SERPINA9: variants seen among roughly 807,000 people sequenced by gnomAD.
SERPINA9 encodes serpin A9.
In SERPINA9, 32 loss-of-function variants were observed where a neutral mutation model predicts 24.5. That is an observed-to-expected ratio of 1.30 (90% CI 0.98 to 1.75). The LOEUF is 1.75. Among genes scored for constraint, SERPINA9 ranks in the 40% most tolerant of loss-of-function variants. The probability of loss-of-function intolerance (pLI) is 0.00; values close to 1 mark genes in which losing one functional copy is unlikely to be tolerated. For missense variants in SERPINA9, 594 were observed against 497.1 expected (o/e 1.19, Z -1.85); for synonymous variants, 233 against 197.7 (o/e 1.18, Z -1.50).
rs1490145265 is a variant in SERPINA9, at chr14:94,462,836, A to G, written c.*257T>C. On this transcript the variant is annotated 3_prime_UTR_variant, in exon 5 of 5. Coordinates refer to ENST00000674397, the MANE Select transcript of SERPINA9 (RefSeq NM_175739.4). ...CCTGGGAGCCCCAAGGAATGGAAAT[A>G]TGGTAACCCAGCAACATCCCATGAA... The G allele has an allele frequency of 1.5e-5, 7 of 469,674 alleles. No individual in the cohort carries two copies. The allele number at this position is 469,674 out of a possible 1,614,324, so 29.1% of individuals were successfully genotyped here. A position where few individuals can be genotyped will look rare whatever the true frequency, so the allele number is the denominator to read the frequency against.
Position 94,464,690 on chromosome 14 carries a change from A to T in SERPINA9, c.1050+17T>A. The T allele has an allele frequency of 6.2e-7, 1 of 1,602,298 alleles. No homozygotes were observed. The highest frequency in any genetic ancestry group is 1.3e-5 in the African/African-American group (1 of 74,504). ...TTCCAGCTTGGACTTTTTTGCAAAT[A>T]TTTTCATTCAACTCACTTTAGAAAC... is the stretch of plus-strand genomic sequence containing the variant. On this transcript the variant is annotated intron_variant, in intron 4 of 4. Coordinates refer to ENST00000674397, the MANE Select transcript of SERPINA9 (RefSeq NM_175739.4).
At position 94,469,294 on chromosome 14, in the gene SERPINA9, T is replaced by G; in HGVS notation, c.547A>C (p.Thr183Pro). 1 of 1,614,108 alleles carries G rather than the reference T, an allele frequency of 6.2e-7. No individual in the cohort carries two copies. The highest frequency in any genetic ancestry group is 8.5e-7 in the Non-Finnish European group (1 of 1,180,010). Reference sequence around the variant, plus strand: ...ATTATGTCTACAACCTTCCCTTGGGTCTTCTTTTTCACATGGCTGTTGATC... The same window carrying G: ...ATTATGTCTACAACCTTCCCTTGGGGCTTCTTTTTCACATGGCTGTTGATC... The part of the protein sequence containing the change: ...ARINSHVKKK[T>P]QGKVVDIIQG... The change falls in exon 2 of 5, where the codon ACC becomes CCC. Residue 183 changes from threonine to proline, a missense_variant. Physicochemically the swap from Thr to Pro is conservative, Grantham distance 38. Coordinates refer to ENST00000674397, the MANE Select transcript of SERPINA9 (RefSeq NM_175739.4).
chr14:94,468,238 A>T (rs1899113480), intron 2 of SERPINA9, among the ~76,000 whole-genome samples: 1 of 152,136 alleles, frequency 6.6e-6, no homozygotes, highest in Non-Finnish European at 1.5e-5. Context: ...GGACAAATGG[A>T]TGGATAGCTT....
At chr14:94,464,583 C>T in intron 4 of SERPINA9, 124 bp downstream of exon 4, 2 of 781,218 alleles carry the variant, frequency 2.6e-6, no homozygotes, top group Non-Finnish European at 4.1e-6. Flanking sequence ...GTTCTTCTGG[C>T]CGCAGAAGAC....
At chr14:94,472,348 G>A (rs1899360622) in intron 1 of SERPINA9, among the ~76,000 whole-genome samples, 1 of 151,882 alleles carries the variant, frequency 6.6e-6, no homozygotes, top group South Asian at 2.1e-4. Context: ...TTCTCACTCT[G>A]GAAGACTCTA....
In SERPINA9 at chr14:94,470,182, T is replaced by C. The variant is rs113328918; in HGVS notation, c.-17-325A>G. 34 of 1,065,054 alleles carry C rather than the reference T, an allele frequency of 3.2e-5. 1 individual carries two copies. The highest frequency in any genetic ancestry group is 2.2e-4 in the African/African-American group (13 of 60,368). The allele number at this position is 1,065,054 out of a possible 1,614,324, so 66.0% of individuals were successfully genotyped here. A position where few individuals can be genotyped will look rare whatever the true frequency, so the allele number is the denominator to read the frequency against. On this transcript the variant is annotated intron_variant, in intron 1 of 4. Transcript: ENST00000674397. ...CATGCTTTTTGATGTTTCTGCTTCA[T>C]GGACTTATTTTTTAAGAATTGAGTA... is the stretch of plus-strand genomic sequence containing the variant.
chr14:94,463,478 T>C (rs544919902), intron 4 of SERPINA9, among the ~76,000 whole-genome samples, 182 bp from the exon 5 acceptor site: 1 of 152,328 alleles, frequency 6.6e-6, no homozygotes, highest in African/African-American at 2.4e-5. Flanking sequence ...GGCCCATTGG[T>C]CCTTACACCG....
intron 1 of SERPINA9, among the ~76,000 whole-genome samples, chr14:94,475,420 GCA>G (rs796392665): frequency 6.0e-4 from 67 of 111,588 alleles, no homozygotes; most frequent in African/African-American, 1.6e-3. Flanking sequence ...GCCTACATGT[GCA>G]CACACACACA....
chr14:94,463,414 G>T, intron 4 of SERPINA9, 118 bp from the exon 5 acceptor site: 2 of 849,576 alleles, frequency 2.4e-6, no homozygotes, highest in Non-Finnish European at 3.8e-6. Context: ...AGGATTCAAG[G>T]TTCAAATGCC....
At chr14:94,468,364 A>G (rs969214141) in intron 2 of SERPINA9, among the ~76,000 whole-genome samples, 1 of 152,020 alleles carries the variant, frequency 6.6e-6, no homozygotes, top group African/African-American at 2.4e-5. Flanking sequence ...ATGAGTGAAC[A>G]TGTGGATGAA....
At chr14:94,465,493 G>C (rs1292303414) in intron 3 of SERPINA9, among the ~76,000 whole-genome samples, 1 of 151,998 alleles carries the variant, frequency 6.6e-6, no homozygotes, top group Non-Finnish European at 1.5e-5. Context: ...CCTCTGCAAT[G>C]GTTTCCCTGA....
intron 1 of SERPINA9, among the ~76,000 whole-genome samples, chr14:94,474,902 A>G (rs1956711): frequency 0.75 from 113,863 of 151,676 alleles, 42,862 homozygotes; most frequent in South Asian, 0.82. Context: ...CACTCACCTC[A>G]CCTCGAATTC....
chr14:94,475,767 G>A (rs973656135), intron 1 of SERPINA9, among the ~76,000 whole-genome samples: 1 of 152,246 alleles, frequency 6.6e-6, no homozygotes, highest in Non-Finnish European at 1.5e-5. Context: ...AACTGTTCAA[G>A]TCTTGCTCGT....
chr14:94,468,900 G>T (rs17090930), intron 2 of SERPINA9, among the ~76,000 whole-genome samples: 38,974 of 152,084 alleles, frequency 0.26, 5,896 homozygotes, highest in East Asian at 0.43. Context: ...ACAGCTGCTG[G>T]TGGCAAGAGA....
chr14:94,470,590 C>T (rs1566794566), intron 1 of SERPINA9, among the ~76,000 whole-genome samples: 2 of 152,220 alleles, frequency 1.3e-5, no homozygotes, highest in Non-Finnish European at 2.9e-5. Flanking sequence ...CCCTGACATT[C>T]GTGGTGGACA....
In SERPINA9 at chr14:94,467,164, C is replaced by T; in HGVS notation, c.847G>A (p.Glu283Lys). The change falls in exon 3 of 5, where the codon GAA becomes AAA. Residue 283 changes from glutamate (E) to lysine (K), a missense_variant. Glu to Lys is a moderately conservative substitution (Grantham distance 56, BLOSUM62 1). Transcript: ENST00000674397. ...LPSKGKMRQL[E>K]QALSARTLRK... The stretch of plus-strand genomic sequence containing the variant: ...AGTGTTCTGGCTGACAAGGCCTGTT[C>T]CAGTTGCCTCATCTTGCCCTTGCTA... 6.2e-7 allele frequency: 1 copy of T among 1,614,202 alleles called. No homozygotes were observed. Among genetic ancestry groups the T allele is most frequent in the Non-Finnish European group, 8.5e-7 (1 of 1,180,026 alleles).
chr14:94,462,837 T>C lies in SERPINA9; in HGVS notation c.*256A>G, dbSNP rs549323196. On this transcript the variant is annotated 3_prime_UTR_variant, in exon 5 of 5. Coordinates refer to ENST00000674397, the MANE Select transcript of SERPINA9 (RefSeq NM_175739.4). Reference sequence around the variant, plus strand: ...CTGGGAGCCCCAAGGAATGGAAATATGGTAACCCAGCAACATCCCATGAAG... The same window carrying C: ...CTGGGAGCCCCAAGGAATGGAAATACGGTAACCCAGCAACATCCCATGAAG... The C allele has an allele frequency of 4.2e-6, 2 of 474,530 alleles. No individual in the cohort carries two copies. The highest frequency in any genetic ancestry group is 7.7e-6 in the Non-Finnish European group (2 of 259,738). The allele number at this position is 474,530 out of a possible 1,614,324, so 29.4% of individuals were successfully genotyped here.
At chr14:94,464,658 C>T in intron 4 of SERPINA9, 49 bp downstream of exon 4, 4 of 1,441,638 alleles carry the variant, frequency 2.8e-6, no homozygotes, top group Non-Finnish European at 3.9e-6. Context: ...ATTAATTCTG[C>T]AGGTGCTTCC....
chr14:94,464,612 G>T (rs1595663062), intron 4 of SERPINA9, 95 bp downstream of exon 4: 2 of 1,078,148 alleles, frequency 1.9e-6, no homozygotes, highest in East Asian at 2.4e-5. Context: ...CACCTTTCAG[G>T]CCTCTGTTTC....
Sources: gnomAD v4.1 joint callset for allele counts (sites outside exome capture counted in the v4.1 genomes callset) on GRCh38, gnomAD v4.1.1 for gene constraint, MANE v1.5 for transcripts, NCBI Gene and HGNC (gene_info 2026-07-23, HGNC 2026-07-21) for gene names.